The following FAM193A variants were observed in gnomAD, a reference collection of about 807,000 sequenced individuals.
FAM193A encodes protein FAM193A.
Under a neutral mutation model 126.5 loss-of-function variants are expected in FAM193A, and 22 were observed. That is an observed-to-expected ratio of 0.17 (90% confidence interval 0.12 to 0.25). FAM193A has a LOEUF of 0.25. Among genes scored for constraint, FAM193A ranks in the 10% least tolerant of loss-of-function variants. The pLI is 1.00. For synonymous variants in FAM193A, 761 were observed against 646.8 expected (o/e 1.18, Z -2.68); for missense variants, 1,675 against 1,672.8 (o/e 1.00, Z -0.02).
chr4:2,625,416 G>A (rs750344184), intron 3 of FAM193A, 21 bp downstream of exon 3: 55 of 695,044 alleles, frequency 7.9e-5, no homozygotes, highest in African/African-American at 5.9e-4. Flanking sequence ...TGTGTGCCAC[G>A]TTGCTCACAC....
At chr4:2,633,381 A>T (rs1226068766) in intron 5 of FAM193A, among the ~76,000 whole-genome samples, 1 of 152,178 alleles carries the variant, frequency 6.6e-6, no homozygotes, top group Non-Finnish European at 1.5e-5. Context: ...TCTGGGCAAC[A>T]GAGCGAGACT....
intron 13 of FAM193A, among the ~76,000 whole-genome samples, chr4:2,681,060 G>A (rs1398165019): frequency 1.3e-5 from 2 of 152,100 alleles, no homozygotes; most frequent in Non-Finnish European, 2.9e-5. Context: ...CACGATCATA[G>A]CTCACTGGAG....
At chr4:2,644,932 TC>T (rs1487169217) in intron 6 of FAM193A, among the ~76,000 whole-genome samples, 1 of 152,260 alleles carries the variant, frequency 6.6e-6, no homozygotes, top group Non-Finnish European at 1.5e-5. Context: ...ATACATTTTT[TC>T]CCTATGTCCA....
intron 2 of FAM193A, among the ~76,000 whole-genome samples, chr4:2,623,818 T>G (rs1467601904): frequency 1.3e-5 from 2 of 152,160 alleles, no homozygotes; most frequent in Non-Finnish European, 2.9e-5. Context: ...AGTGCAATAC[T>G]CAAGACTTAG....
intron 19 of FAM193A, among the ~76,000 whole-genome samples, chr4:2,711,361 A>G (rs1199869349): frequency 1.3e-5 from 2 of 151,264 alleles, no homozygotes; most frequent in East Asian, 2.0e-4. Context: ...TGTTTTTGAG[A>G]TGGAGTCTCT....
chr4:2,587,640 G>A (rs1488681481), intron 1 of FAM193A, among the ~76,000 whole-genome samples: 1 of 152,168 alleles, frequency 6.6e-6, no homozygotes, highest in African/African-American at 2.4e-5. Context: ...GTTGCAGCGA[G>A]CCAAGATCGT....
In FAM193A at chr4:2,555,119, T is replaced by C. The variant is rs1015530610; in HGVS notation, c.255+17949T>C. On this transcript the variant is annotated intron_variant, in intron 1 of 20. Transcript: ENST00000637812. Reference sequence around the variant, plus strand: ...ATTTAATATTTATTTGGTGCTATTATAGGATGCTGCTTTGCATTGTATTTG... The same window carrying C: ...ATTTAATATTTATTTGGTGCTATTACAGGATGCTGCTTTGCATTGTATTTG... 1.2e-4 allele frequency among the ~76,000 whole-genome samples: 18 copies of C among 152,198 alleles called. 1 individual carries two copies. The highest frequency in any genetic ancestry group is 3.9e-4 in the African/African-American group (16 of 41,454).
chr4:2,660,819 T>C (rs2109109250), intron 10 of FAM193A, among the ~76,000 whole-genome samples: 1 of 152,314 alleles, frequency 6.6e-6, no homozygotes, highest in South Asian at 2.1e-4. Flanking sequence ...TTTCCTTCAG[T>C]CTTTCCATTT....
chr4:2,684,024 C>G (rs112975957), intron 13 of FAM193A, among the ~76,000 whole-genome samples: 15 of 152,212 alleles, frequency 9.9e-5, no homozygotes, highest in Non-Finnish European at 8.8e-5. Context: ...CTTCCCATCT[C>G]TCTGCTCACA....
intron 19 of FAM193A, chr4:2,708,266 C>T (rs1196425179): frequency 2.6e-6 from 1 of 378,484 alleles, no homozygotes; most frequent in South Asian, 1.8e-5. Flanking sequence ...GTTGGAATTA[C>T]AGGCAAGCAA....
chr4:2,572,513 T>A (rs371976870), intron 1 of FAM193A, among the ~76,000 whole-genome samples: 1 of 151,994 alleles, frequency 6.6e-6, no homozygotes, highest in African/African-American at 2.4e-5. Context: ...TCCTCCTGAT[T>A]TGTAAACTGA....
At position 2,646,605 on chromosome 4, in the gene FAM193A, A is replaced by G. The variant is rs950730098; in HGVS notation, c.1164-80A>G. The G allele has an allele frequency of 1.8e-5, 25 of 1,418,758 alleles. No individual in the cohort carries two copies. In the East Asian group the frequency reaches 4.4e-4, roughly 25 times the overall value. The allele number at this position is 1,418,758 out of a possible 1,614,324, so 87.9% of individuals were successfully genotyped here. A position where few individuals can be genotyped will look rare whatever the true frequency, so the allele number is the denominator to read the frequency against. ...AGGCGAGATGACAAAGCAGGATAGTATCAGCAGGAAGCACATTTCTGATCT... is the reference window on the plus strand; with the variant it reads ...AGGCGAGATGACAAAGCAGGATAGTGTCAGCAGGAAGCACATTTCTGATCT... On this transcript the variant is annotated intron_variant, in intron 6 of 20. Transcript: ENST00000637812.
chr4:2,664,558 C>CTTTTTTTTTTTTTTTTTTTTTTTTTTT (rs33958851), intron 12 of FAM193A, among the ~76,000 whole-genome samples: 1 of 73,074 alleles, frequency 1.4e-5, no homozygotes, highest in Non-Finnish European at 2.6e-5. Context: ...TATTTTCTTT[C>CTTTTTTTTTTTTTTTTTTTTTTTTTTT]TTTTTTTTTT....
At chr4:2,575,814 C>T (rs993076072) in intron 1 of FAM193A, among the ~76,000 whole-genome samples, 15 of 152,096 alleles carry the variant, frequency 9.9e-5, no homozygotes, top group African/African-American at 2.9e-4. Flanking sequence ...CTGCCCTTCA[C>T]GAGTACACAC....
At chr4:2,635,907 C>T (rs1260786932) in intron 5 of FAM193A, among the ~76,000 whole-genome samples, 1 of 152,126 alleles carries the variant, frequency 6.6e-6, no homozygotes, top group Non-Finnish European at 1.5e-5. Flanking sequence ...GTGGGAGTCT[C>T]ATCTGCATTC....
Position 2,644,346 on chromosome 4 carries a change from A to G in FAM193A, c.1164-2339A>G, listed in dbSNP as rs980464384. Among the ~76,000 whole-genome samples, 13 of 152,278 alleles carry G rather than the reference A, an allele frequency of 8.5e-5. No homozygotes were observed. In the South Asian group the frequency reaches 1.9e-3, roughly 22 times the overall value. On this transcript the variant is annotated intron_variant, in intron 6 of 20. Transcript: ENST00000637812. ...TGACAGGGTATAATGCCGCATCCCA[A>G]CGTTCCAGGTGGAGCAAGTAGGGGC...
intron 1 of FAM193A, among the ~76,000 whole-genome samples, chr4:2,578,033 A>T (rs1389172024): frequency 6.6e-6 from 1 of 152,124 alleles, no homozygotes; most frequent in Admixed American, 6.6e-5. Context: ...CTCTCTTCAG[A>T]TACTAAATAT....
In FAM193A at chr4:2,636,103, G is replaced by A. The variant is rs550447402; in HGVS notation, c.1039-3632G>A. 2.0e-5 allele frequency among the ~76,000 whole-genome samples: 3 copies of A among 149,730 alleles called. No homozygotes were observed. The South Asian group carries it at 6.3e-4, about 32-fold the overall frequency. ...TCACTCTGTCTCAAAAAAAAATCTC[G>A]CTCTGTCTCGCTGTGTCCCTCATGA... On this transcript the variant is annotated intron_variant, in intron 5 of 20. Coordinates refer to ENST00000637812, the MANE Select transcript of FAM193A (RefSeq NM_001366318.2).
At chr4:2,719,250 C>T (rs891179694) in intron 20 of FAM193A, among the ~76,000 whole-genome samples, 7 of 152,110 alleles carry the variant, frequency 4.6e-5, no homozygotes, top group East Asian at 1.9e-4. Context: ...GCAGAGGTTG[C>T]GGTGAGTTGA....
Sources: allele counts gnomAD v4.1 joint callset (sites outside exome capture counted in the v4.1 genomes callset), GRCh38; gene constraint gnomAD v4.1.1; transcripts MANE v1.5; gene names NCBI Gene and HGNC (gene_info 2026-07-23, HGNC 2026-07-21).